DNAJC3: variants seen among roughly 807,000 people sequenced by gnomAD.
The protein encoded by DNAJC3 is DnaJ heat shock protein family (Hsp40) member C3, also known as dnaJ homolog subfamily C member 3.
In DNAJC3, 38 loss-of-function variants were observed where a neutral mutation model predicts 68.6. The ratio of observed to expected loss-of-function variants is 0.55; its 90% CI spans 0.43 to 0.73. The LOEUF is 0.73. Ranked by LOEUF, DNAJC3 falls within the 30% of genes least tolerant of loss-of-function variation. The pLI, the probability that DNAJC3 is intolerant of heterozygous loss-of-function variation, is 0.00. For synonymous variants in DNAJC3, 203 were observed against 204.0 expected, an observed-to-expected ratio of 1.00 and a Z score of 0.04; for missense variants, 526 against 591.9, an observed-to-expected ratio of 0.89 and a Z score of 1.16.
At chr13:95,687,310 T>G (rs989530858) in intron 1 of DNAJC3, among the ~76,000 whole-genome samples, 2 of 152,186 alleles carry the variant, frequency 1.3e-5, no homozygotes, top group Non-Finnish European at 2.9e-5. Context: ...AAAATCATAT[T>G]TGTGAAGAGA....
rs779393127 is a variant in DNAJC3 at position 95,786,032 on chromosome 13, C to T, written c.1169C>T (p.Ser390Leu). The change falls in exon 10 of 12, where the codon TCG becomes TTG. Residue 390 changes from serine (S) to leucine (L), a missense_variant. Ser to Leu is a moderately radical substitution (Grantham distance 145). Transcript: ENST00000602402. The stretch of plus-strand genomic sequence containing the variant: ...AAAGCACAAAGATTATTGAAACAGT[C>T]GCAGAAACGAGATTATTATAAAATC... ...LEKAQRLLKQ[S>L]QKRDYYKILG... The T allele has an allele frequency of 1.1e-5, 17 of 1,608,040 alleles. No homozygotes were observed. The highest frequency in any genetic ancestry group is 6.7e-5 in the African/African-American group (5 of 74,606).
chr13:95,764,689 CACACACAT>C (rs1453423886), intron 9 of DNAJC3, among the ~76,000 whole-genome samples: 1 of 127,864 alleles, frequency 7.8e-6, no homozygotes, highest in African/African-American at 3.0e-5. Flanking sequence ...TATATACACA[CACACACAT>C]ATATATATAC....
intron 11 of DNAJC3, 39 bp downstream of exon 11, chr13:95,787,194 T>C (rs1385803035): frequency 1.8e-5 from 28 of 1,591,472 alleles, no homozygotes; most frequent in Non-Finnish European, 2.3e-5. Flanking sequence ...ATCCTAGAGG[T>C]GGTGTTAGAA....
At position 95,677,341 on chromosome 13, in the gene DNAJC3, A is replaced by G. The variant is rs1879783171; in HGVS notation, c.82+4A>G. The G allele has an allele frequency of 1.9e-6, 3 of 1,589,002 alleles. No individual in the cohort carries two copies. The South Asian group carries it at 3.4e-5, about 18-fold the overall frequency. The stretch of plus-strand genomic sequence containing the variant: ...CTGGTGGATCTGCAGTACGAAGGTG[A>G]GTCCTGCCCTGCCCCGGCCAGGAAG... On this transcript the variant is annotated splice_donor_region_variant and intron_variant, in intron 1 of 11. Transcript: ENST00000602402.
intron 8 of DNAJC3, 32 bp from the exon 9 acceptor site, chr13:95,763,801 A>C: frequency 1.2e-6 from 2 of 1,613,934 alleles, no homozygotes; most frequent in East Asian, 4.5e-5. Flanking sequence ...TGGAATACCA[A>C]CCATAAATCC....
chr13:95,785,964 G>C lies in DNAJC3; in HGVS notation c.1101G>C (p.Gln367His). The change falls in exon 10 of 12, where the codon CAG becomes CAC. Residue 367 changes from glutamine (Q) to histidine (H), a missense_variant. Coordinates refer to ENST00000602402, the MANE Select transcript of DNAJC3 (RefSeq NM_006260.5). ...CTATTCAGGATTATGAAACTGCTCA[G>C]GAACACAATGAAAATGATCAGCAGA... Reference protein sequence around the residue: ...DEAIQDYETAQEHNENDQQIR... With the variant: ...DEAIQDYETAHEHNENDQQIR... 6.2e-7 allele frequency: 1 copy of C among 1,608,028 alleles called. No individual in the cohort carries two copies. Among genetic ancestry groups the C allele is most frequent in the Non-Finnish European group, 8.5e-7 (1 of 1,177,872 alleles).
At chr13:95,785,875 G>T in intron 9 of DNAJC3, 64 bp from the exon 10 acceptor site, 2 of 1,455,320 alleles carry the variant, frequency 1.4e-6, no homozygotes, top group Non-Finnish European at 1.8e-6. Context: ...CAATTTTACA[G>T]GATAAGAAAA....
intron 1 of DNAJC3, among the ~76,000 whole-genome samples, chr13:95,679,925 T>G (rs1299178166): frequency 2.6e-5 from 4 of 152,238 alleles, no homozygotes. Flanking sequence ...TTTCTGATTT[T>G]GAAATATTTG....
intron 9 of DNAJC3, among the ~76,000 whole-genome samples, chr13:95,765,315 CTT>C (rs1164872817): frequency 6.6e-6 from 1 of 151,302 alleles, no homozygotes; most frequent in Non-Finnish European, 1.5e-5. Flanking sequence ...TTTTGGAACT[CTT>C]TATCAAAGAT....
intron 2 of DNAJC3, among the ~76,000 whole-genome samples, chr13:95,715,734 C>A (rs111708271): frequency 2.0e-5 from 3 of 151,824 alleles, no homozygotes; most frequent in African/African-American, 4.8e-5. Flanking sequence ...GATCCACCCC[C>A]CCTTGGCCTC....
At chr13:95,736,172 T>C (rs1184117737) in intron 4 of DNAJC3, among the ~76,000 whole-genome samples, 3 of 152,208 alleles carry the variant, frequency 2.0e-5, no homozygotes, top group African/African-American at 7.2e-5. Flanking sequence ...TTCTGTTCCA[T>C]TGATCTATAT....
intron 9 of DNAJC3, among the ~76,000 whole-genome samples, chr13:95,766,652 T>C (rs1566507761): frequency 6.6e-6 from 1 of 152,178 alleles, no homozygotes; most frequent in African/African-American, 2.4e-5. Flanking sequence ...GAGTATGGAA[T>C]TTAGAATTAG....
intron 2 of DNAJC3, among the ~76,000 whole-genome samples, chr13:95,714,125 G>C (rs1487115183): frequency 6.6e-6 from 1 of 152,182 alleles, no homozygotes; most frequent in Non-Finnish European, 1.5e-5. Context: ...TTGCCACTGG[G>C]TAATCCTGTG....
At chr13:95,716,331 C>T (rs992110813) in intron 2 of DNAJC3, among the ~76,000 whole-genome samples, 1 of 152,132 alleles carries the variant, frequency 6.6e-6, no homozygotes, top group Non-Finnish European at 1.5e-5. Context: ...GTGCAGAGGC[C>T]GTGGGGAGTG....
intron 4 of DNAJC3, among the ~76,000 whole-genome samples, chr13:95,739,691 G>A (rs1460905224): frequency 6.6e-6 from 1 of 152,086 alleles, no homozygotes; most frequent in East Asian, 1.9e-4. Context: ...CTCTGTATTG[G>A]TTATTCTAGT....
At chr13:95,702,471 A>G (rs190336475) in intron 1 of DNAJC3, among the ~76,000 whole-genome samples, 1 of 152,324 alleles carries the variant, frequency 6.6e-6, no homozygotes, top group African/African-American at 2.4e-5. Flanking sequence ...TCATGCCCCC[A>G]ATTCATATGT....
At chr13:95,691,045 A>G (rs1369158233) in intron 1 of DNAJC3, among the ~76,000 whole-genome samples, 67 of 76,456 alleles carry the variant, frequency 8.8e-4, no homozygotes, top group South Asian at 1.5e-3. Flanking sequence ...TCCTGGATGG[A>G]GCGGCTGGCC....
chr13:95,779,119 CTT>C (rs142933580), intron 9 of DNAJC3, among the ~76,000 whole-genome samples: 1,704 of 97,882 alleles, frequency 0.017, 36 homozygotes, highest in African/African-American at 0.021. Flanking sequence ...TTTCTTCTTT[CTT>C]TTTTTTTTTT....
chr13:95,708,880 GTC>G (rs1880856856), intron 1 of DNAJC3, among the ~76,000 whole-genome samples: 2 of 152,204 alleles, frequency 1.3e-5, no homozygotes, highest in South Asian at 4.1e-4. Context: ...TATTGTAACA[GTC>G]TCTATGATGT....
Sources: allele counts gnomAD v4.1 joint callset (sites outside exome capture counted in the v4.1 genomes callset), GRCh38; gene constraint gnomAD v4.1.1; transcripts MANE v1.5; gene names NCBI Gene and HGNC (gene_info 2026-07-23, HGNC 2026-07-21).